ORC5: variants seen among roughly 807,000 people sequenced by gnomAD.
ORC5 encodes protein phosphatase 1, regulatory subunit 117.
A neutral mutation model predicts 58.8 loss-of-function variants in ORC5; 39 were observed. That is an observed-to-expected ratio of 0.66 (90% CI 0.51 to 0.87). The LOEUF is 0.87. Ranked by LOEUF, ORC5 falls within the 40% of genes least tolerant of loss-of-function variation. The pLI, the probability that ORC5 is intolerant of heterozygous loss-of-function variation, is 0.00. For missense variants in ORC5, 493 were observed against 506.3 expected (o/e 0.97, Z 0.25); for synonymous variants, 218 against 177.6 (o/e 1.23, Z -1.81).
chr7:104,151,718 G>T (rs1328886690), intron 12 of ORC5, among the ~76,000 whole-genome samples: 1 of 152,152 alleles, frequency 6.6e-6, no homozygotes, highest in Non-Finnish European at 1.5e-5. Context: ...TGGCAATTTG[G>T]ATGGAGAGCT....
intron 5 of ORC5, among the ~76,000 whole-genome samples, chr7:104,191,193 T>G (rs770189293): frequency 4.7e-5 from 7 of 149,962 alleles, no homozygotes; most frequent in Non-Finnish European, 1.0e-4. Flanking sequence ...ACTTTAAATA[T>G]AATGTCACTA....
chr7:104,174,624 A>T (rs1799284136), intron 8 of ORC5, among the ~76,000 whole-genome samples: 1 of 152,194 alleles, frequency 6.6e-6, no homozygotes, highest in South Asian at 2.1e-4. Flanking sequence ...GTCACACTGT[A>T]TCGCTAATAA....
chr7:104,169,470 G>A (rs1359158294), intron 8 of ORC5, among the ~76,000 whole-genome samples: 3 of 151,940 alleles, frequency 2.0e-5, no homozygotes, highest in Non-Finnish European at 2.9e-5. Context: ...AATGCCCTAC[G>A]ACAGTTTTAG....
At chr7:104,188,173 T>C in intron 6 of ORC5, 78 bp downstream of exon 6, 1 of 1,055,238 alleles carries the variant, frequency 9.5e-7, no homozygotes, top group Non-Finnish European at 1.3e-6. Context: ...AACATTAAAA[T>C]ACATATATAC....
chr7:104,201,055 T>C, intron 2 of ORC5, 97 bp from the exon 3 acceptor site: 1 of 1,037,534 alleles, frequency 9.6e-7, no homozygotes, highest in Non-Finnish European at 1.4e-6. Context: ...TCTAAATCTA[T>C]ATCCCACCAA....
intron 12 of ORC5, among the ~76,000 whole-genome samples, chr7:104,148,528 T>C (rs1798796745): frequency 6.6e-6 from 1 of 152,142 alleles, no homozygotes. Flanking sequence ...CTCAATACAG[T>C]ACAGGCAAAT....
chr7:104,179,682 T>G (rs918851441), intron 8 of ORC5, among the ~76,000 whole-genome samples: 6 of 152,050 alleles, frequency 3.9e-5, no homozygotes, highest in Admixed American at 6.5e-5. Flanking sequence ...AGTCTTCATT[T>G]AATTTTCTAG....
At chr7:104,156,440 T>C (rs1798926527) in intron 12 of ORC5, among the ~76,000 whole-genome samples, 1 of 151,718 alleles carries the variant, frequency 6.6e-6, no homozygotes, top group African/African-American at 2.4e-5. Flanking sequence ...AGTACTATTA[T>C]AAATTTATTA....
intron 12 of ORC5, among the ~76,000 whole-genome samples, chr7:104,152,867 AT>A (rs1214591941): frequency 2.6e-5 from 4 of 152,172 alleles, no homozygotes; most frequent in Admixed American, 2.6e-4. Flanking sequence ...AATTTATGCA[AT>A]TTTTTAAATC....
chr7:104,134,618 T>C (rs1387357016), intron 13 of ORC5, among the ~76,000 whole-genome samples: 2 of 151,814 alleles, frequency 1.3e-5, no homozygotes, highest in African/African-American at 4.8e-5. Context: ...AGTCTGGAAG[T>C]GGCAACAAGA....
At chr7:104,204,109 T>G (rs2245659) in intron 2 of ORC5, 33 bp downstream of exon 2, 587,106 of 1,229,476 alleles carry the variant, frequency 0.48, 146,607 homozygotes, top group Non-Finnish European at 0.53. Context: ...ACACTAAAAA[T>G]GGCAAAGAAA....
intron 8 of ORC5, among the ~76,000 whole-genome samples, chr7:104,180,064 T>C (rs1237612255): frequency 5.3e-5 from 8 of 152,200 alleles, no homozygotes; most frequent in Non-Finnish European, 7.3e-5. Context: ...AATTATTCCA[T>C]GTAACCAGAA....
At chr7:104,126,933 C>T (rs1798437232) in intron 13 of ORC5, 40 bp from the exon 14 acceptor site, 2 of 1,403,244 alleles carry the variant, frequency 1.4e-6, no homozygotes, top group Non-Finnish European at 2.0e-6. Flanking sequence ...ATTCTCACCC[C>T]TAGATTGCTC....
chr7:104,158,831 G>C (rs1425806581), intron 12 of ORC5, among the ~76,000 whole-genome samples: 2 of 151,810 alleles, frequency 1.3e-5, no homozygotes, highest in African/African-American at 4.9e-5. Context: ...GGAAACAACA[G>C]GTGCTGGAGA....
intron 12 of ORC5, among the ~76,000 whole-genome samples, chr7:104,159,472 T>TAAA (rs1292320360): frequency 6.9e-6 from 1 of 144,238 alleles, no homozygotes; most frequent in Non-Finnish European, 1.5e-5. Context: ...AAACTTAAAG[T>TAAA]ATAATAATAA....
Position 104,133,974 on chromosome 7 carries a change from C to A in ORC5, c.1262+2807G>T, listed in dbSNP as rs73189317. Reference sequence around the variant, plus strand: ...AAGAATCTACCTTAGGAAGAGGAACCCCATCCTGCTGAAAAAGGAAAGAAA... The same window carrying A: ...AAGAATCTACCTTAGGAAGAGGAACACCATCCTGCTGAAAAAGGAAAGAAA... On this transcript the variant is annotated intron_variant, in intron 13 of 13. Coordinates refer to ENST00000297431, the MANE Select transcript of ORC5 (RefSeq NM_002553.4). The surrounding 1 kb of genome is among the most constrained non-coding windows in gnomAD (Gnocchi z 4.7). 0.13 allele frequency among the ~76,000 whole-genome samples: 19,412 copies of A among 151,994 alleles called. 1,565 individuals are homozygous for A. The highest frequency in any genetic ancestry group is 0.18 in the East Asian group (955 of 5,166).
rs774970179 is a variant in ORC5 at position 104,204,161 on chromosome 7, G to A, written c.146C>T (p.Thr49Met). 9 of 1,575,838 alleles carry A rather than the reference G, an allele frequency of 5.7e-6. No individual in the cohort carries two copies. Among genetic ancestry groups the A allele is most frequent in the Admixed American group, 1.7e-5 (1 of 57,724 alleles). ...TCTTACCTCTAAAGTTTTCAACAAC[G>A]TTTGTGTTACATAGGTCTTTCCACT... Reference protein sequence around the residue: ...TASGKTYVTQTLLKTLELPHV... With the variant: ...TASGKTYVTQMLLKTLELPHV... The change falls in exon 2 of 14, where the codon ACG (threonine) becomes ATG (methionine). Residue 49 changes from threonine (T) to methionine (M), a missense_variant. By Grantham distance (81) the Thr-to-Met change is moderately conservative. Transcript: ENST00000297431.
At chr7:104,174,571 C>G (rs990919925) in intron 8 of ORC5, among the ~76,000 whole-genome samples, 1 of 152,164 alleles carries the variant, frequency 6.6e-6, no homozygotes, top group East Asian at 1.9e-4. Flanking sequence ...CCCCCTACCC[C>G]ACCAGGAACA....
At position 104,133,171 on chromosome 7, in the gene ORC5, G is replaced by A. The variant is rs573745262; in HGVS notation, c.1262+3610C>T. On this transcript the variant is annotated intron_variant, in intron 13 of 13. Transcript: ENST00000297431. The surrounding 1 kb of genome is among the most constrained non-coding windows in gnomAD (Gnocchi z 4.7). Reference sequence around the variant, plus strand: ...CTACTGAATATTTTTAATGAGCAGGGTGACATTAAATTTTTATAAAATCAT... The same window carrying A: ...CTACTGAATATTTTTAATGAGCAGGATGACATTAAATTTTTATAAAATCAT... 4.6e-5 allele frequency among the ~76,000 whole-genome samples: 7 copies of A among 152,224 alleles called. No individual in the cohort carries two copies. Among genetic ancestry groups the A allele is most frequent in the Admixed American group, 2.0e-4 (3 of 15,292 alleles).
Sources: gnomAD v4.1 joint callset for allele counts (sites outside exome capture counted in the v4.1 genomes callset) on GRCh38, gnomAD v4.1.1 for gene constraint, Gnocchi (gnomAD v3.1) non-coding constraint, MANE v1.5 for transcripts, NCBI Gene and HGNC (gene_info 2026-07-23, HGNC 2026-07-21) for gene names.